Variants in MBNL1 observed in about 807,000 individuals in gnomAD.
The protein encoded by MBNL1 is muscleblind-like protein 1.
In MBNL1, 8 loss-of-function variants were observed where a neutral mutation model predicts 42.2. The observed-to-expected ratio is 0.19, with a 90% CI of 0.11 to 0.34. The LOEUF is 0.34. MBNL1 is among the 10% of genes least tolerant of loss of function. The pLI, the probability that MBNL1 is intolerant of heterozygous loss-of-function variation, is 1.00. For missense variants in MBNL1, 309 were observed against 495.3 expected (o/e 0.62, Z 3.57); for synonymous variants, 169 against 173.9 (o/e 0.97, Z 0.22).
chr3:152,418,874 G>A (rs1411700928), intron 3 of MBNL1, among the ~76,000 whole-genome samples: 4 of 152,022 alleles, frequency 2.6e-5, no homozygotes, highest in Non-Finnish European at 5.9e-5. Flanking sequence ...CCGCCCCCGT[G>A]CCCGGCTAAT....
At chr3:152,252,333 T>C (rs2034763815) in intron 2 of MBNL1, among the ~76,000 whole-genome samples, 1 of 148,910 alleles carries the variant, frequency 6.7e-6, no homozygotes, top group South Asian at 2.2e-4. Flanking sequence ...CCATTCAGGG[T>C]GATCACAACA....
At position 152,250,381 on chromosome 3, in the gene MBNL1, A is replaced by G. The variant is rs759885512; in HGVS notation, n.333+5941A>G. Among the ~76,000 whole-genome samples, 863 of 151,556 alleles carry G rather than the reference A, an allele frequency of 5.7e-3. 5 individuals carry two copies. Among genetic ancestry groups the G allele is most frequent in the Non-Finnish European group, 9.4e-3 (634 of 67,732 alleles). The stretch of plus-strand genomic sequence containing the variant: ...TAAGTATTTTATTCTCTTTGAAGCA[A>G]TTGTGAATGGGAGTTCACTCATGAT... On this transcript the variant is annotated intron_variant and non_coding_transcript_variant, in intron 2 of 2. Coordinates refer to the MBNL1 transcript ENST00000477171.
chr3:152,423,657 T>TG (rs1309315898), intron 3 of MBNL1, among the ~76,000 whole-genome samples: 2 of 152,222 alleles, frequency 1.3e-5, no homozygotes, highest in African/African-American at 4.8e-5. Context: ...CCAATATCCC[T>TG]GGTGAACATC....
rs117530869 is a variant in MBNL1 at position 152,378,208 on chromosome 3, G to A, written c.175-36733G>A. Among the ~76,000 whole-genome samples, 27 of 152,146 alleles carry A rather than the reference G, an allele frequency of 1.8e-4. 1 individual carries two copies. In the East Asian group the frequency reaches 5.0e-3, roughly 28 times the overall value. ...ACAAAACAAAAAAACAATTCACTAG[G>A]TGTGTTTTCTAGCTACTTGGGAGGC... On this transcript the variant is annotated intron_variant, in intron 2 of 9. Coordinates refer to ENST00000324210, the MANE Select transcript of MBNL1 (RefSeq NM_021038.5).
At chr3:152,381,919 A>T (rs1177064078) in intron 2 of MBNL1, among the ~76,000 whole-genome samples, 1 of 152,060 alleles carries the variant, frequency 6.6e-6, no homozygotes, top group African/African-American at 2.4e-5. Context: ...CAGTTTTTCA[A>T]CTGTTCTTTT....
At chr3:152,253,776 TG>T (rs2035029082) in intron 2 of MBNL1, among the ~76,000 whole-genome samples, 1 of 152,144 alleles carries the variant, frequency 6.6e-6, no homozygotes, top group African/African-American at 2.4e-5. Context: ...CTTCTTTATT[TG>T]GGTCTCTTCT....
intron 2 of MBNL1, among the ~76,000 whole-genome samples, chr3:152,256,264 T>A (rs1204438532): frequency 6.6e-6 from 1 of 152,186 alleles, no homozygotes; most frequent in African/African-American, 2.4e-5. Flanking sequence ...TTATTTAAAT[T>A]TGTAAACTCA....
At chr3:152,274,695 CAT>C (rs111895146) in intron 1 of MBNL1, among the ~76,000 whole-genome samples, 10,883 of 152,070 alleles carry the variant, frequency 0.072, 503 homozygotes, top group Middle Eastern at 0.16. Flanking sequence ...ATCGAATTTT[CAT>C]ATATGTTTTA....
intron 2 of MBNL1, among the ~76,000 whole-genome samples, chr3:152,373,212 C>G (rs1034890904): frequency 3.3e-5 from 5 of 152,276 alleles, no homozygotes; most frequent in Middle Eastern, 3.4e-3. Context: ...AATTTCAAGC[C>G]AGTGGATTTT....
intron 3 of MBNL1, among the ~76,000 whole-genome samples, chr3:152,415,837 T>A (rs2098691661): frequency 6.6e-6 from 1 of 152,214 alleles, no homozygotes; most frequent in African/African-American, 2.4e-5. Context: ...GGAGTATGTG[T>A]GTAATAAATG....
intron 2 of MBNL1, among the ~76,000 whole-genome samples, chr3:152,318,902 T>C (rs2074234605): frequency 6.6e-6 from 1 of 152,208 alleles, no homozygotes; most frequent in South Asian, 2.1e-4. Flanking sequence ...CCCTGATTAT[T>C]ATGATTATTC....
chr3:152,433,183 C>G (rs2099028862), intron 4 of MBNL1, among the ~76,000 whole-genome samples: 1 of 152,068 alleles, frequency 6.6e-6, no homozygotes. Context: ...ATCACTGTAC[C>G]TCAATTTCCT....
intron 2 of MBNL1, among the ~76,000 whole-genome samples, chr3:152,322,446 T>G (rs2077003305): frequency 6.6e-6 from 1 of 152,078 alleles, no homozygotes; most frequent in Non-Finnish European, 1.5e-5. Context: ...GCTCCCTTTT[T>G]GAAAGGCTAT....
At chr3:152,389,795 T>C (rs1281897987) in intron 2 of MBNL1, among the ~76,000 whole-genome samples, 1 of 152,220 alleles carries the variant, frequency 6.6e-6, no homozygotes, top group African/African-American at 2.4e-5. Flanking sequence ...GACTGTTGGC[T>C]TTACAAACAC....
chr3:152,453,990 A>T (rs936849306), intron 6 of MBNL1, among the ~76,000 whole-genome samples: 5 of 152,148 alleles, frequency 3.3e-5, no homozygotes, highest in Non-Finnish European at 7.4e-5. Flanking sequence ...TCACCCTACC[A>T]TTAAGACAGT....
intron 2 of MBNL1, among the ~76,000 whole-genome samples, chr3:152,351,807 AC>A (rs1560254776): frequency 6.6e-6 from 1 of 152,220 alleles, no homozygotes; most frequent in Non-Finnish European, 1.5e-5. Flanking sequence ...GAAGTGAAAC[AC>A]AAAAAGCATG....
rs1481523732 is a variant in MBNL1, at chr3:152,418,591, G to A, written c.345+3480G>A. On this transcript the variant is annotated intron_variant, in intron 3 of 9. Coordinates refer to ENST00000324210, the MANE Select transcript of MBNL1 (RefSeq NM_021038.5). Reference sequence around the variant, plus strand: ...ATCAAACCACTGCACTCCAATGTGGGTGTCAGAATAAGACCCTGTCTCTAA... The same window carrying A: ...ATCAAACCACTGCACTCCAATGTGGATGTCAGAATAAGACCCTGTCTCTAA... Among the ~76,000 whole-genome samples, 5 of 143,418 alleles carry A rather than the reference G, an allele frequency of 3.5e-5. No homozygotes were observed. The East Asian group carries it at 1.0e-3, about 29-fold the overall frequency. The allele number at this position is 143,418 out of a possible 152,430, so 94.1% of individuals were successfully genotyped here. A position where few individuals can be genotyped will look rare whatever the true frequency, so the allele number is the denominator to read the frequency against.
chr3:152,370,586 T>G (rs1240730360), intron 2 of MBNL1, among the ~76,000 whole-genome samples: 1 of 152,196 alleles, frequency 6.6e-6, no homozygotes, highest in Admixed American at 6.5e-5. Context: ...CTGTCTAATA[T>G]TGACAGTGGG....
At chr3:152,379,143 T>C (rs1274361158) in intron 2 of MBNL1, among the ~76,000 whole-genome samples, 1 of 152,238 alleles carries the variant, frequency 6.6e-6, no homozygotes, top group Admixed American at 6.5e-5. Context: ...CAATGGAAAT[T>C]AATTAAAAAT....
Sources: gnomAD v4.1 joint callset for allele counts (sites outside exome capture counted in the v4.1 genomes callset) on GRCh38, gnomAD v4.1.1 for gene constraint, MANE v1.5 for transcripts, NCBI Gene and HGNC (gene_info 2026-07-23, HGNC 2026-07-21) for gene names.